ABCB4: variants seen among roughly 807,000 people sequenced by gnomAD.
The protein encoded by ABCB4 is ATP binding cassette subfamily B member 4, also known as phosphatidylcholine translocator ABCB4.
ABCB4 carries 76 observed loss-of-function variants against 145.7 expected under a neutral mutation model. The ratio of observed to expected loss-of-function variants is 0.52; its 90% CI spans 0.43 to 0.63. The LOEUF (loss-of-function observed/expected upper bound fraction) is 0.63. Among genes scored for constraint, ABCB4 ranks in the 30% least tolerant of loss-of-function variants. The pLI is 0.00. For missense variants in ABCB4, 1,234 were observed against 1,553.1 expected (o/e 0.79, Z 3.45); for synonymous variants, 517 against 566.8 (o/e 0.91, Z 1.25).
Position 87,418,600 on chromosome 7 carries a change from G to A in ABCB4, c.2415C>T (p.Asp805=), listed in dbSNP as rs1166013411. 6.2e-7 allele frequency: 1 copy of A among 1,614,104 alleles called. No homozygotes were observed. Among genetic ancestry groups the A allele is most frequent in the Non-Finnish European group, 8.5e-7 (1 of 1,180,004 alleles). The stretch of plus-strand genomic sequence containing the variant: ...AAAGTGCACCAGTACTGTTTTTATG[G>A]TCATCAAACCAGCTCATGTCCTATG... ...MLRQDMSWFD[D]HKNSTGALST... is the part of the protein sequence containing the mutation. Residue 805 remains aspartate, a synonymous_variant, in exon 20 of 28, where the codon GAC becomes GAT. Transcript: ENST00000649586.
intron 6 of ABCB4, 173 bp downstream of exon 6, chr7:87,452,771 A>G: frequency 1.3e-6 from 1 of 741,882 alleles, no homozygotes. Flanking sequence ...GGGAAAGCCA[A>G]CATGCAATGG....
downstream of ABCB4, among the ~76,000 whole-genome samples, chr7:87,400,148 C>T (rs1172859101): frequency 6.6e-6 from 1 of 152,162 alleles, no homozygotes; most frequent in African/African-American, 2.4e-5. Context: ...GCCCTGAAGT[C>T]ACATGCCATC....
At chr7:87,374,817 A>T in the ABCB4 span, among the ~76,000 whole-genome samples, 40 of 152,182 alleles carry the variant, frequency 2.6e-4, no homozygotes, top group Middle Eastern at 3.4e-3. Context: ...GTCAGAACTG[A>T]TGGCTACTAG....
intron 3 of ABCB4, 40 bp downstream of exon 3, chr7:87,472,581 A>G: frequency 6.6e-7 from 1 of 1,514,012 alleles, no homozygotes; most frequent in Non-Finnish European, 9.2e-7. Context: ...AAATTTGAAT[A>G]AAAGGTAGGA....
At chr7:87,384,784 G>T in the ABCB4 span, among the ~76,000 whole-genome samples, 5 of 152,094 alleles carry the variant, frequency 3.3e-5, no homozygotes, top group African/African-American at 9.7e-5. Flanking sequence ...AGAAATATTT[G>T]CCCAGTTCAG....
At chr7:87,475,501 G>A (rs771909568) in intron 1 of ABCB4, 30 bp from the exon 2 acceptor site, 2 of 1,611,850 alleles carry the variant, frequency 1.2e-6, no homozygotes, top group South Asian at 1.1e-5. Context: ...TCAGAACCAA[G>A]TACACCCTCT....
At chr7:87,374,963 T>C in the ABCB4 span, among the ~76,000 whole-genome samples, 72 of 152,194 alleles carry the variant, frequency 4.7e-4, 1 homozygote, top group Admixed American at 2.3e-3. Context: ...TTTTGACTGA[T>C]GTAAATTTCT....
intron 21 of ABCB4, among the ~76,000 whole-genome samples, chr7:87,414,043 A>T (rs945626242): frequency 2.0e-5 from 3 of 152,088 alleles, no homozygotes; most frequent in Non-Finnish European, 4.4e-5. Context: ...CTTAGTCACA[A>T]CCCCTTTGTG....
chr7:87,420,906 A>G lies in ABCB4; in HGVS notation c.2317-831T>C, dbSNP rs17149574. 4.1e-3 allele frequency among the ~76,000 whole-genome samples: 622 copies of G among 152,312 alleles called. 6 individuals carry two copies. The highest frequency in any genetic ancestry group is 0.014 in the African/African-American group (576 of 41,574). ...TCAGTGTGTTCCTACTACTTCCAAT[A>G]AACCAGTTAAATACAGAAGTAACAA... On this transcript the variant is annotated intron_variant, in intron 18 of 27. Coordinates refer to ENST00000649586, the MANE Select transcript of ABCB4 (RefSeq NM_000443.4).
At chr7:87,372,245 T>C in the ABCB4 span, among the ~76,000 whole-genome samples, 1 of 152,338 alleles carries the variant, frequency 6.6e-6, no homozygotes, top group East Asian at 1.9e-4. Context: ...ATTAATCTTT[T>C]ATACATTATG....
intron 4 of ABCB4, 74 bp downstream of exon 4, chr7:87,462,684 C>T (rs1812543741): frequency 1.4e-6 from 2 of 1,435,042 alleles, no homozygotes; most frequent in African/African-American, 1.4e-5. Context: ...TAATGAATAG[C>T]AAAATCAACT....
the ABCB4 span, among the ~76,000 whole-genome samples, chr7:87,383,315 C>T: frequency 0.05 from 7,654 of 152,096 alleles, 622 homozygotes; most frequent in African/African-American, 0.17. Context: ...TCTACTTCCA[C>T]GAGATCAATT....
chr7:87,468,103 A>G (rs1813062842), intron 3 of ABCB4, among the ~76,000 whole-genome samples: 1 of 152,252 alleles, frequency 6.6e-6, no homozygotes, highest in Non-Finnish European at 1.5e-5. Flanking sequence ...CAATGAATCC[A>G]GGAGCTGGTT....
intron 15 of ABCB4, among the ~76,000 whole-genome samples, chr7:87,429,572 C>A (rs1235284177): frequency 6.6e-6 from 1 of 152,200 alleles, no homozygotes; most frequent in Non-Finnish European, 1.5e-5. Flanking sequence ...ATAGGACAGC[C>A]AAGTGGTTAT....
intron 3 of ABCB4, among the ~76,000 whole-genome samples, chr7:87,472,037 T>A (rs887967444): frequency 1.3e-5 from 2 of 152,238 alleles, no homozygotes; most frequent in African/African-American, 4.8e-5. Context: ...ATTGTGCTAC[T>A]AACACAATTC....
intron 16 of ABCB4, among the ~76,000 whole-genome samples, chr7:87,425,835 C>T: frequency 6.6e-6 from 1 of 151,846 alleles, no homozygotes. Context: ...AAGATTGCAC[C>T]ACTGCACTTC....
intron 14 of ABCB4, 60 bp downstream of exon 14, chr7:87,439,607 G>A (rs1051919777): frequency 1.2e-5 from 19 of 1,595,534 alleles, no homozygotes; most frequent in Admixed American, 8.3e-5. Context: ...CGGAAGCACT[G>A]GCAAGAATCT....
At position 87,454,600 on chromosome 7, in the gene ABCB4, A is replaced by G; in HGVS notation, c.287-8T>C. ...GCGACAAGGAAAAGTTCACTAAATT[A>G]AAAAATAAAATAAAACATGTTAAAA... On this transcript the variant is annotated splice_region_variant and splice_polypyrimidine_tract_variant and intron_variant, in intron 4 of 27. Coordinates refer to ENST00000649586, the MANE Select transcript of ABCB4 (RefSeq NM_000443.4). 1 of 1,601,134 alleles carries G rather than the reference A, an allele frequency of 6.2e-7. No individual in the cohort carries two copies. The highest frequency in any genetic ancestry group is 8.5e-7 in the Non-Finnish European group (1 of 1,171,118).
intron 20 of ABCB4, among the ~76,000 whole-genome samples, chr7:87,417,741 A>G (rs1030402906): frequency 3.9e-5 from 6 of 152,212 alleles, no homozygotes; most frequent in Non-Finnish European, 7.3e-5. Flanking sequence ...CTGAACCAAC[A>G]TTCTAGAACC....
Sources: gnomAD v4.1 joint callset for allele counts (sites outside exome capture counted in the v4.1 genomes callset) on GRCh38, gnomAD v4.1.1 for gene constraint, MANE v1.5 for transcripts, NCBI Gene and HGNC (gene_info 2026-07-23, HGNC 2026-07-21) for gene names.